The following PCDHGA6 variants were observed in gnomAD, a reference collection of about 807,000 sequenced individuals.
PCDHGA6 encodes the protein protocadherin gamma-A6.
In PCDHGA6, 41 loss-of-function variants were observed where a neutral mutation model predicts 60.6. That is an observed-to-expected ratio of 0.68 (90% CI 0.53 to 0.88). The LOEUF (loss-of-function observed/expected upper bound fraction) is 0.88, where lower values mean the gene tolerates loss of function less well. PCDHGA6 is among the 40% of genes least tolerant of loss of function. PCDHGA6 has a pLI of 0.00. For synonymous variants in PCDHGA6, 594 were observed against 524.4 expected (o/e 1.13, Z -1.81); for missense variants, 1,312 against 1,203.0 (o/e 1.09, Z -1.34).
In PCDHGA6 at chr5:141,431,643, A is replaced by G. The variant is rs528599572; in HGVS notation, c.2424+55136A>G. Reference sequence around the variant, plus strand: ...AAGGCGGCCCAAGTTTTCAAACTAGATTGTAATTCAGGGACAATATCAACA... The same window carrying G: ...AAGGCGGCCCAAGTTTTCAAACTAGGTTGTAATTCAGGGACAATATCAACA... On this transcript the variant is annotated intron_variant, in intron 1 of 3. Coordinates refer to ENST00000517434, the MANE Select transcript of PCDHGA6 (RefSeq NM_018919.3). The surrounding 1 kb of genome is among the most constrained non-coding windows in gnomAD (Gnocchi z 4.8). 5.0e-5 allele frequency: 81 copies of G among 1,614,240 alleles called. No individual in the cohort carries two copies. In the South Asian group the frequency reaches 7.4e-4, roughly 15 times the overall value.
At chr5:141,449,137 A>C (rs1257120647) in intron 1 of PCDHGA6, among the ~76,000 whole-genome samples, 1 of 152,176 alleles carries the variant, frequency 6.6e-6, no homozygotes, top group Non-Finnish European at 1.5e-5. Context: ...AATGGAATTG[A>C]AATTGCTGGG....
chr5:141,449,688 T>G (rs951233495), intron 1 of PCDHGA6, among the ~76,000 whole-genome samples: 2 of 151,772 alleles, frequency 1.3e-5, no homozygotes, highest in African/African-American at 4.8e-5. Context: ...TATGTTTGTG[T>G]GTATGTACAC....
chr5:141,422,349 T>G, intron 1 of PCDHGA6: 1 of 1,554,722 alleles, frequency 6.4e-7, no homozygotes, highest in South Asian at 1.3e-5. Flanking sequence ...ATGTGCAAGA[T>G]CAAGATTCTG....
intron 1 of PCDHGA6, chr5:141,417,501 A>T: frequency 4.4e-6 from 1 of 227,168 alleles, no homozygotes. Flanking sequence ...GAGGAAAAAG[A>T]TTAAAATATT....
Position 141,450,757 on chromosome 5 carries a change from G to A in PCDHGA6, c.2425-44050G>A, listed in dbSNP as rs575351311. Among the ~76,000 whole-genome samples, 5 of 151,964 alleles carry A rather than the reference G, an allele frequency of 3.3e-5. No individual in the cohort carries two copies. In the East Asian group the frequency reaches 9.7e-4, roughly 29 times the overall value. ...CCGCCTTGGCCTCCCAAAGTGCCGG[G>A]ATTACAGGCATGAGCCACCGTGCCC... On this transcript the variant is annotated intron_variant, in intron 1 of 3. Coordinates refer to ENST00000517434, the MANE Select transcript of PCDHGA6 (RefSeq NM_018919.3).
At position 141,487,763 on chromosome 5, in the gene PCDHGA6, G is replaced by A; in HGVS notation, c.2425-7044G>A. ...AAGAGGTAACTATGTGGTAGACGCT[G>A]TGCTTTGTAACTGTTTCGTGAATTA... On this transcript the variant is annotated intron_variant, in intron 1 of 3. Coordinates refer to ENST00000517434, the MANE Select transcript of PCDHGA6 (RefSeq NM_018919.3). This position sits in a 1 kb window ranked among gnomAD's most constrained non-coding sequence, Gnocchi z 5.0. 6.5e-7 allele frequency: 1 copy of A among 1,544,968 alleles called. No homozygotes were observed. The highest frequency in any genetic ancestry group is 1.2e-5 in the South Asian group (1 of 83,382).
At chr5:141,400,264 C>G (rs1184804812) in intron 1 of PCDHGA6, 2 of 1,614,058 alleles carry the variant, frequency 1.2e-6, no homozygotes. Context: ...GCGCCTGCGA[C>G]GCTCCTCCAG....
chr5:141,413,490 G>T (rs1255775347), intron 1 of PCDHGA6: 2 of 1,614,070 alleles, frequency 1.2e-6, no homozygotes, highest in Admixed American at 3.3e-5. Flanking sequence ...AGAGCGCGCG[G>T]TGCGTGGTGA....
At chr5:141,433,091 A>C in intron 1 of PCDHGA6, 1 of 1,614,182 alleles carries the variant, frequency 6.2e-7, no homozygotes, top group Non-Finnish European at 8.5e-7. Flanking sequence ...CTATGCAGAC[A>C]TGCTCGTCAG....
chr5:141,478,139 G>C, intron 1 of PCDHGA6: 15 of 1,614,040 alleles, frequency 9.3e-6, no homozygotes, highest in Non-Finnish European at 1.3e-5. Context: ...TGAAGCCCGA[G>C]CCGAGTTCCC....
At position 141,419,228 on chromosome 5, in the gene PCDHGA6, T is replaced by G. The variant is rs761014077; in HGVS notation, c.2424+42721T>G. The G allele has an allele frequency of 2.5e-6, 4 of 1,613,874 alleles. No individual in the cohort carries two copies. The East Asian group carries it at 8.9e-5, about 36-fold the overall frequency. On this transcript the variant is annotated intron_variant, in intron 1 of 3. Coordinates refer to ENST00000517434, the MANE Select transcript of PCDHGA6 (RefSeq NM_018919.3). Reference sequence around the variant, plus strand: ...CGCGCCGGTTTTCGGACAGTCAGCCTACCTGGTCCACGTGCCAGAAAACAA... The same window carrying G: ...CGCGCCGGTTTTCGGACAGTCAGCCGACCTGGTCCACGTGCCAGAAAACAA...
At chr5:141,403,495 C>T (rs2094413954) in intron 1 of PCDHGA6, 2 of 1,614,014 alleles carry the variant, frequency 1.2e-6, no homozygotes, top group Non-Finnish European at 1.7e-6. Flanking sequence ...TCTCCCTGAA[C>T]GTGCAGACTG....
Position 141,432,473 on chromosome 5 carries a change from T to G in PCDHGA6, c.2424+55966T>G. On this transcript the variant is annotated intron_variant, in intron 1 of 3. Coordinates refer to ENST00000517434, the MANE Select transcript of PCDHGA6 (RefSeq NM_018919.3). The surrounding 1 kb of genome is among the most constrained non-coding windows in gnomAD (Gnocchi z 6.0). ...GTACCCCGCCCTCCCCACGGACGGT[T>G]CCACTGGCGTGGAGCTGGCTCCCCG... 1 of 1,614,180 alleles carries G rather than the reference T, an allele frequency of 6.2e-7. No individual in the cohort carries two copies. The highest frequency in any genetic ancestry group is 1.1e-5 in the South Asian group (1 of 91,078).
chr5:141,430,804 G>T, intron 1 of PCDHGA6: 2 of 1,525,868 alleles, frequency 1.3e-6, no homozygotes, highest in Non-Finnish European at 1.8e-6. Context: ...GGCTTGTCCT[G>T]CTGGGAATCC....
At chr5:141,496,412 T>C (rs1322376676) in intron 2 of PCDHGA6, among the ~76,000 whole-genome samples, 1 of 152,180 alleles carries the variant, frequency 6.6e-6, no homozygotes, top group African/African-American at 2.4e-5. Context: ...GGTTGAGTAC[T>C]TGCTGTCCAC....
At position 141,477,866 on chromosome 5, in the gene PCDHGA6, A is replaced by G; in HGVS notation, c.2425-16941A>G. ...CTCGGTGGAGATGCTGCCTCGAGGT[A>G]CCTCAGCTGGCCACCTAGTGTCACG... On this transcript the variant is annotated intron_variant, in intron 1 of 3. Coordinates refer to ENST00000517434, the MANE Select transcript of PCDHGA6 (RefSeq NM_018919.3). This position sits in a 1 kb window ranked among gnomAD's most constrained non-coding sequence, Gnocchi z 4.9. 1 of 1,614,072 alleles carries G rather than the reference A, an allele frequency of 6.2e-7. No homozygotes were observed. Among genetic ancestry groups the G allele is most frequent in the Non-Finnish European group, 8.5e-7 (1 of 1,179,988 alleles).
At position 141,491,154 on chromosome 5, in the gene PCDHGA6, C is replaced by T. The variant is rs773308291; in HGVS notation, c.2425-3653C>T. ...CAGCCCGGGCCTTACTGGAGGATGACTCTGACACCCAGCAGGTGGTGGTCC... is the reference window on the plus strand; with the variant it reads ...CAGCCCGGGCCTTACTGGAGGATGATTCTGACACCCAGCAGGTGGTGGTCC... On this transcript the variant is annotated intron_variant, in intron 1 of 3. Coordinates refer to ENST00000517434, the MANE Select transcript of PCDHGA6 (RefSeq NM_018919.3). The surrounding 1 kb of genome is among the most constrained non-coding windows in gnomAD (Gnocchi z 6.9). The T allele has an allele frequency of 6.2e-7, 1 of 1,614,162 alleles. No homozygotes were observed. The highest frequency in any genetic ancestry group is 1.7e-5 in the Admixed American group (1 of 60,026).
intron 1 of PCDHGA6, chr5:141,384,274 G>T (rs1396743546): frequency 6.2e-7 from 1 of 1,613,704 alleles, no homozygotes; most frequent in East Asian, 2.2e-5. Flanking sequence ...ATCCTACTCA[G>T]TCTACATCGC....
At chr5:141,444,783 C>A (rs551686741) in intron 1 of PCDHGA6, among the ~76,000 whole-genome samples, 2 of 152,100 alleles carry the variant, frequency 1.3e-5, no homozygotes, top group Non-Finnish European at 2.9e-5. Context: ...GATCATGTTT[C>A]ATTTGTCTAT....
Sources: allele counts gnomAD v4.1 joint callset (sites outside exome capture counted in the v4.1 genomes callset), GRCh38; gene constraint gnomAD v4.1.1; non-coding constraint Gnocchi (gnomAD v3.1); transcripts MANE v1.5; gene names NCBI Gene and HGNC (gene_info 2026-07-23, HGNC 2026-07-21).